ESR1: variants seen among roughly 807,000 people sequenced by gnomAD.
ESR1 encodes estrogen receptor 1.
In ESR1, 12 loss-of-function variants were observed where a neutral mutation model predicts 52.7. The ratio of observed to expected loss-of-function variants is 0.23; its 90% CI spans 0.15 to 0.37. ESR1 has a LOEUF of 0.37. Ranked by LOEUF, ESR1 falls within the 10% of genes least tolerant of loss-of-function variation. The pLI is 1.00. For synonymous variants in ESR1, 305 were observed against 316.8 expected (o/e 0.96, Z 0.39); for missense variants, 584 against 779.7 (o/e 0.75, Z 2.99).
At chr6:151,885,628 G>T (rs1035608306) in intron 3 of ESR1, among the ~76,000 whole-genome samples, 1 of 152,188 alleles carries the variant, frequency 6.6e-6, no homozygotes, top group Non-Finnish European at 1.5e-5. Flanking sequence ...ACTTTGGGAG[G>T]CTGAGGTGGG....
At chr6:152,020,560 T>G (rs1021799449) in intron 5 of ESR1, among the ~76,000 whole-genome samples, 1 of 152,204 alleles carries the variant, frequency 6.6e-6, no homozygotes, top group Non-Finnish European at 1.5e-5. Context: ...AAGCAATTCT[T>G]GTGCCTCAGC....
chr6:151,980,459 G>C (rs2039883721), intron 4 of ESR1, among the ~76,000 whole-genome samples: 1 of 151,964 alleles, frequency 6.6e-6, no homozygotes, highest in Non-Finnish European at 1.5e-5. Flanking sequence ...AACAACATAT[G>C]TTTTTTCCTA....
chr6:151,944,129 C>T lies in ESR1; in HGVS notation c.761-44C>T, dbSNP rs141738041. The T allele has an allele frequency of 2.7e-3, 4,262 of 1,550,216 alleles. 9 individuals carry two copies. The highest frequency in any genetic ancestry group is 3.2e-3 in the Non-Finnish European group (3,566 of 1,129,004). On this transcript the variant is annotated intron_variant, in intron 3 of 7. Coordinates refer to ENST00000206249, the MANE Select transcript of ESR1 (RefSeq NM_000125.4). ...AAAATTTTTTGTATAAAAGTTTACA[C>T]GGGAAAAAAATAAACTAATTTTTTT...
intron 3 of ESR1, among the ~76,000 whole-genome samples, chr6:151,939,481 CATTCTATATAATTAAGAA>C (rs1235032937): frequency 1.3e-5 from 2 of 152,130 alleles, no homozygotes; most frequent in Non-Finnish European, 2.9e-5. Context: ...TGTGGTCCAC[CATTCTATATAATTAAGAA>C]TAAGCTGTAT....
intron 4 of ESR1, among the ~76,000 whole-genome samples, chr6:151,975,855 A>T (rs547823370): frequency 6.6e-6 from 1 of 152,290 alleles, no homozygotes; most frequent in South Asian, 2.1e-4. Flanking sequence ...AGTCTTATCT[A>T]TAAACCTAAG....
At chr6:151,907,635 A>G (rs1797656736) in intron 3 of ESR1, among the ~76,000 whole-genome samples, 1 of 152,116 alleles carries the variant, frequency 6.6e-6, no homozygotes, top group Admixed American at 6.6e-5. Context: ...TGGACATACT[A>G]TAATTTATTT....
intron 4 of ESR1, among the ~76,000 whole-genome samples, chr6:151,947,363 G>C (rs1448669959): frequency 6.6e-6 from 1 of 152,020 alleles, no homozygotes; most frequent in African/African-American, 2.4e-5. Flanking sequence ...TTAGTAAGAA[G>C]AATAGCAAAA....
intron 6 of ESR1, among the ~76,000 whole-genome samples, chr6:152,074,862 G>A (rs746003557): frequency 6.6e-6 from 1 of 152,098 alleles, no homozygotes; most frequent in Non-Finnish European, 1.5e-5. Context: ...CTTTTAATAA[G>A]CTTATTTGCC....
At chr6:151,694,712 G>T (rs543427408) in intron 1 of ESR1, among the ~76,000 whole-genome samples, 1 of 151,864 alleles carries the variant, frequency 6.6e-6, no homozygotes, top group East Asian at 1.9e-4. Context: ...GCTTGAACCC[G>T]CGAAGTGGAG....
intron 2 of ESR1, among the ~76,000 whole-genome samples, chr6:151,880,063 C>T (rs2128330175): frequency 6.6e-6 from 1 of 152,168 alleles, no homozygotes; most frequent in South Asian, 2.1e-4. Context: ...GAAAATATAA[C>T]CACATAAAAT....
At chr6:151,729,315 C>T (rs1284786871) in intron 2 of ESR1, among the ~76,000 whole-genome samples, 2 of 152,008 alleles carry the variant, frequency 1.3e-5, no homozygotes, top group Non-Finnish European at 2.9e-5. Flanking sequence ...GACTTCCCAG[C>T]CTCCAGAACC....
At chr6:152,046,148 AT>A (rs1229920902) in intron 5 of ESR1, among the ~76,000 whole-genome samples, 2 of 152,192 alleles carry the variant, frequency 1.3e-5, no homozygotes, top group Non-Finnish European at 2.9e-5. Flanking sequence ...ATCACATATA[AT>A]TTCATTTATT....
intron 6 of ESR1, among the ~76,000 whole-genome samples, chr6:152,082,622 G>A (rs1585161834): frequency 6.6e-6 from 1 of 152,266 alleles, no homozygotes; most frequent in South Asian, 2.1e-4. Context: ...GGGCAATCAG[G>A]CAAGAGAAAG....
intron 1 of ESR1, among the ~76,000 whole-genome samples, chr6:151,840,091 A>G (rs2128229233): frequency 6.6e-6 from 1 of 152,362 alleles, no homozygotes; most frequent in Non-Finnish European, 1.5e-5. Flanking sequence ...TTCAACAAAC[A>G]TGTATTGAAT....
intron 2 of ESR1, among the ~76,000 whole-genome samples, chr6:151,732,586 A>T (rs992472762): frequency 6.6e-6 from 1 of 151,346 alleles, no homozygotes; most frequent in Non-Finnish European, 1.5e-5. Flanking sequence ...TCATTCTTCT[A>T]TGCTAGTGAG....
At chr6:151,690,083 A>G (rs935045716), upstream of ESR1, among the ~76,000 whole-genome samples, 2 of 152,200 alleles carry the variant, frequency 1.3e-5, no homozygotes, top group Non-Finnish European at 2.9e-5. Flanking sequence ...AGAAGTGCAG[A>G]GCGGGCTTTT....
intron 5 of ESR1, among the ~76,000 whole-genome samples, chr6:152,016,117 C>A (rs930232710): frequency 1.3e-5 from 2 of 152,066 alleles, no homozygotes; most frequent in African/African-American, 4.8e-5. Flanking sequence ...AAATGGGAGT[C>A]CCCCTGCACA....
intron 6 of ESR1, among the ~76,000 whole-genome samples, chr6:152,080,467 A>C (rs2049102136): frequency 6.6e-6 from 1 of 152,220 alleles, no homozygotes; most frequent in Admixed American, 6.5e-5. Context: ...AGATTTTGTC[A>C]CCACCAGGCC....
chr6:151,661,607 G>A (rs1468532510), intron 1 of ESR1, among the ~76,000 whole-genome samples: 1 of 152,202 alleles, frequency 6.6e-6, no homozygotes, highest in African/African-American at 2.4e-5. Flanking sequence ...GCACCAATAA[G>A]TTTTGGCTCT....
Sources: gnomAD v4.1 joint callset for allele counts (sites outside exome capture counted in the v4.1 genomes callset) on GRCh38, gnomAD v4.1.1 for gene constraint, MANE v1.5 for transcripts, NCBI Gene and HGNC (gene_info 2026-07-23, HGNC 2026-07-21) for gene names.